Variants in GNB4 observed in about 807,000 individuals in gnomAD.
GNB4 encodes the protein guanine nucleotide-binding protein subunit beta-4.
A neutral mutation model predicts 45.2 loss-of-function variants in GNB4; 28 were observed. That is an observed-to-expected ratio of 0.62 (90% CI 0.46 to 0.85). GNB4 has a LOEUF of 0.85. GNB4 is among the 40% of genes least tolerant of loss of function. The pLI is 0.00. For synonymous variants in GNB4, 132 were observed against 143.7 expected, an observed-to-expected ratio of 0.92 and a Z score of 0.58; for missense variants, 321 against 425.4, an observed-to-expected ratio of 0.75 and a Z score of 2.16.
At chr3:179,504,299 C>T in the GNB4 span, among the ~76,000 whole-genome samples, 2 of 152,086 alleles carry the variant, frequency 1.3e-5, no homozygotes, top group East Asian at 3.9e-4. Context: ...ATGTCATGGG[C>T]AGAAAATATA....
chr3:179,426,117 T>C (rs1408008761), intron 2 of GNB4, 27 bp downstream of exon 2: 1 of 1,584,186 alleles, frequency 6.3e-7, no homozygotes, highest in South Asian at 1.1e-5. Context: ...AAATAAGTGC[T>C]AACATTTTGA....
intron 3 of GNB4, among the ~76,000 whole-genome samples, chr3:179,420,006 C>T (rs370028407): frequency 6.6e-6 from 1 of 151,614 alleles, no homozygotes; most frequent in Non-Finnish European, 1.5e-5. Context: ...CATTCCCAAC[C>T]TAAGAGTTTT....
the GNB4 span, among the ~76,000 whole-genome samples, chr3:179,471,686 T>C: frequency 6.6e-6 from 1 of 152,104 alleles, no homozygotes; most frequent in South Asian, 2.1e-4. Flanking sequence ...AATGCATGAG[T>C]GTAATTAGAA....
chr3:179,467,366 A>G, the GNB4 span, among the ~76,000 whole-genome samples: 3 of 152,178 alleles, frequency 2.0e-5, no homozygotes, highest in Non-Finnish European at 4.4e-5. Context: ...AAATTCTGCT[A>G]TCAGTAGGAG....
At chr3:179,452,077 A>G (rs1329055364), upstream of GNB4, among the ~76,000 whole-genome samples, 4 of 152,330 alleles carry the variant, frequency 2.6e-5, no homozygotes, top group East Asian at 7.7e-4. Flanking sequence ...TGATGTTTGC[A>G]CGAAGCCTGC....
At chr3:179,478,241 A>C in the GNB4 span, among the ~76,000 whole-genome samples, 1 of 152,096 alleles carries the variant, frequency 6.6e-6, no homozygotes, top group Admixed American at 6.5e-5. Context: ...TGACTTAATC[A>C]CCTCTTAATG....
At chr3:179,445,296 CT>C (rs898687039) in intron 1 of GNB4, among the ~76,000 whole-genome samples, 1 of 151,898 alleles carries the variant, frequency 6.6e-6, no homozygotes, top group Non-Finnish European at 1.5e-5. Context: ...TCCTTTCTTT[CT>C]TTTTTTAAGA....
chr3:179,465,161 G>A, the GNB4 span: 1 of 1,276,018 alleles, frequency 7.8e-7, no homozygotes, highest in South Asian at 1.2e-5. Flanking sequence ...AGCAGTCACT[G>A]ATATGGGAAT....
chr3:179,447,703 G>A (rs1473100160), intron 1 of GNB4, among the ~76,000 whole-genome samples: 1 of 152,136 alleles, frequency 6.6e-6, no homozygotes, highest in Non-Finnish European at 1.5e-5. Flanking sequence ...TGGTGGTGGT[G>A]GCAGTGCAGG....
Position 179,400,532 on chromosome 3 carries a change from G to A in GNB4, c.*681C>T, listed in dbSNP as rs1216861829. Reference sequence around the variant, plus strand: ...CCTACTTTTTATTAATTATAATGATGTTTCTTATGTATGTCCAAAATATCA... The same window carrying A: ...CCTACTTTTTATTAATTATAATGATATTTCTTATGTATGTCCAAAATATCA... On this transcript the variant is annotated 3_prime_UTR_variant, in exon 10 of 10. Coordinates refer to ENST00000232564, the MANE Select transcript of GNB4 (RefSeq NM_021629.4). The A allele has an allele frequency of 3.3e-5, 5 of 152,114 alleles. No homozygotes were observed. Among genetic ancestry groups the A allele is most frequent in the Admixed American group, 6.5e-5 (1 of 15,272 alleles). 9.4% of individuals were successfully genotyped at this position (152,114 alleles called of 1,614,324 possible).
chr3:179,527,239 A>G, the GNB4 span, among the ~76,000 whole-genome samples: 2 of 152,156 alleles, frequency 1.3e-5, no homozygotes, highest in African/African-American at 2.4e-5. Flanking sequence ...TTCTCTCTCA[A>G]TTTGAAGCCA....
chr3:179,467,655 G>GT, the GNB4 span, among the ~76,000 whole-genome samples: 1 of 151,358 alleles, frequency 6.6e-6, no homozygotes, highest in Non-Finnish European at 1.5e-5. Flanking sequence ...TTTGGAGAAA[G>GT]TAAGTGTCAG....
At chr3:179,450,436 G>T (rs1214118720) in intron 1 of GNB4, among the ~76,000 whole-genome samples, 1 of 152,130 alleles carries the variant, frequency 6.6e-6, no homozygotes, top group Non-Finnish European at 1.5e-5. Flanking sequence ...CACTGAGACG[G>T]ACTCATAATA....
the GNB4 span, among the ~76,000 whole-genome samples, chr3:179,509,178 C>A: frequency 6.6e-6 from 1 of 150,794 alleles, no homozygotes; most frequent in Non-Finnish European, 1.5e-5. Flanking sequence ...TACACACACA[C>A]ACACACACAC....
At chr3:179,454,198 G>A (rs1715944096), upstream of GNB4, among the ~76,000 whole-genome samples, 1 of 152,134 alleles carries the variant, frequency 6.6e-6, no homozygotes, top group African/African-American at 2.4e-5. Flanking sequence ...TAACTCATTA[G>A]GCCCATGTTC....
chr3:179,440,880 TAGAG>T (rs141411562), intron 1 of GNB4, among the ~76,000 whole-genome samples: 64 of 149,122 alleles, frequency 4.3e-4, no homozygotes, highest in Middle Eastern at 3.4e-3. Flanking sequence ...TATAGATAGA[TAGAG>T]AGAGAGAGAG....
At chr3:179,468,035 A>AAAATATATATATAT in the GNB4 span, among the ~76,000 whole-genome samples, 1 of 89,856 alleles carries the variant, frequency 1.1e-5, no homozygotes, top group African/African-American at 4.0e-5. Context: ...TGTTGATAAA[A>AAAATATATATATAT]ATATATATAT....
intron 1 of GNB4, among the ~76,000 whole-genome samples, chr3:179,433,208 T>C (rs537687694): frequency 4.6e-5 from 7 of 151,992 alleles, no homozygotes; most frequent in African/African-American, 1.4e-4. Context: ...ATAACACAGA[T>C]CTGATAAATG....
At chr3:179,423,415 T>C (rs1715051493) in intron 2 of GNB4, among the ~76,000 whole-genome samples, 1 of 152,206 alleles carries the variant, frequency 6.6e-6, no homozygotes, top group African/African-American at 2.4e-5. Context: ...TTATTTCACT[T>C]AATCCTCTGC....
Sources: gnomAD v4.1 joint callset for allele counts (sites outside exome capture counted in the v4.1 genomes callset) on GRCh38, gnomAD v4.1.1 for gene constraint, MANE v1.5 for transcripts, NCBI Gene and HGNC (gene_info 2026-07-23, HGNC 2026-07-21) for gene names.